The following FZD3 variants were observed in gnomAD, a reference collection of about 807,000 sequenced individuals.
FZD3 encodes the protein frizzled-3.
FZD3 carries 30 observed loss-of-function variants against 60.7 expected under a neutral mutation model. The ratio of observed to expected loss-of-function variants is 0.49; its 90% CI spans 0.37 to 0.67. FZD3 has a LOEUF of 0.67. Among genes scored for constraint, FZD3 ranks in the 30% least tolerant of loss-of-function variants. The pLI is 0.00. For missense variants in FZD3, 605 were observed against 838.7 expected (o/e 0.72, Z 3.44); for synonymous variants, 246 against 275.2 (o/e 0.89, Z 1.05).
intron 5 of FZD3, among the ~76,000 whole-genome samples, chr8:28,549,617 AG>A (rs969402628): frequency 6.6e-6 from 1 of 152,144 alleles, no homozygotes; most frequent in Non-Finnish European, 1.5e-5. Flanking sequence ...GAGTGGTGGC[AG>A]TAGATACTTT....
chr8:28,531,624 A>G (rs949279514), intron 5 of FZD3, among the ~76,000 whole-genome samples: 26 of 152,298 alleles, frequency 1.7e-4, no homozygotes, highest in African/African-American at 6.3e-4. Context: ...TCAGGCTTCT[A>G]AATTTTTGCC....
At chr8:28,522,767 C>CTTTT (rs35662589) in intron 4 of FZD3, among the ~76,000 whole-genome samples, 202 of 96,790 alleles carry the variant, frequency 2.1e-3, no homozygotes, top group Middle Eastern at 7.6e-3. Context: ...AGGGAACTTT[C>CTTTT]TTTTTTTTTT....
chr8:28,570,548 C>A lies in FZD3; in HGVS notation c.*7537C>A, dbSNP rs1382609306. ...GCTGAGGCAGGAGAATGGCGTGAAC[C>A]CGGGAGGCGGAGCTTGCAGTGAGCT... On this transcript the variant is annotated 3_prime_UTR_variant, in exon 8 of 8. Transcript: ENST00000240093. 1 of 151,754 alleles carries A rather than the reference C, an allele frequency of 6.6e-6. No homozygotes were observed. Among genetic ancestry groups the A allele is most frequent in the Non-Finnish European group, 1.5e-5 (1 of 68,024 alleles). 9.4% of individuals were successfully genotyped at this position (151,754 alleles called of 1,614,324 possible). A position where few individuals can be genotyped will look rare whatever the true frequency, so the allele number is the denominator to read the frequency against.
chr8:28,537,122 G>C lies in FZD3; in HGVS notation c.1404+8958G>C, dbSNP rs562919853. Reference sequence around the variant, plus strand: ...AGTTTCTGTAATAGAGGAAAAGAATGAGAATTCCCTGAAAAAATATTCTAT... The same window carrying C: ...AGTTTCTGTAATAGAGGAAAAGAATCAGAATTCCCTGAAAAAATATTCTAT... On this transcript the variant is annotated intron_variant, in intron 5 of 7. Coordinates refer to ENST00000240093, the MANE Select transcript of FZD3 (RefSeq NM_017412.4). 1.5e-4 allele frequency among the ~76,000 whole-genome samples: 23 copies of C among 152,238 alleles called. No homozygotes were observed. The East Asian group carries it at 4.4e-3, about 29-fold the overall frequency.
chr8:28,521,987 A>G lies in FZD3; in HGVS notation c.386+1153A>G, dbSNP rs28491847. Among the ~76,000 whole-genome samples, 795 of 152,350 alleles carry G rather than the reference A, an allele frequency of 5.2e-3. 5 individuals are homozygous for G. Among genetic ancestry groups the G allele is most frequent in the African/African-American group, 0.016 (668 of 41,576 alleles). ...CTTACTTGACAGATGGAGAAACTTA[A>G]GAAATAATAAATCCTGTACAGTAAG... On this transcript the variant is annotated intron_variant, in intron 4 of 7. Transcript: ENST00000240093.
chr8:28,503,164 A>C lies in FZD3; in HGVS notation c.151A>C (p.Asn51His), dbSNP rs1478213120. The C allele has an allele frequency of 6.2e-7, 1 of 1,613,304 alleles. No homozygotes were observed. Among genetic ancestry groups the C allele is most frequent in the African/African-American group, 1.3e-5 (1 of 74,882 alleles). The part of the protein sequence containing the change: ...YNTTFMPNLL[N>H]HYDQQTAALA... The stretch of plus-strand genomic sequence containing the variant: ...TACTACCTTCATGCCTAATCTTCTG[A>C]ATCATTATGACCAACAGACAGCAGC... Residue 51 changes from asparagine (N) to histidine (H), a missense_variant, in exon 3 of 8, where the codon AAT becomes CAT. By Grantham distance (68) the Asn-to-His change is moderately conservative. Coordinates refer to ENST00000240093, the MANE Select transcript of FZD3 (RefSeq NM_017412.4).
At chr8:28,509,800 A>G (rs1054431647) in intron 3 of FZD3, among the ~76,000 whole-genome samples, 3 of 152,332 alleles carry the variant, frequency 2.0e-5, no homozygotes, top group Admixed American at 6.5e-5. Context: ...ATAGTATTCC[A>G]TTGTAGGTAT....
intron 3 of FZD3, among the ~76,000 whole-genome samples, chr8:28,503,729 A>G (rs956303435): frequency 1.3e-5 from 2 of 152,222 alleles, no homozygotes; most frequent in African/African-American, 4.8e-5. Flanking sequence ...AATTGAGGAC[A>G]GGGATATATA....
At chr8:28,548,507 C>T (rs903959045) in intron 5 of FZD3, among the ~76,000 whole-genome samples, 4 of 152,202 alleles carry the variant, frequency 2.6e-5, no homozygotes, top group East Asian at 1.9e-4. Flanking sequence ...GTATGAAATA[C>T]GGTATGGCTT....
rs181087200 is a variant in FZD3 at position 28,527,265 on chromosome 8, T to C, written c.505T>C (p.Leu169=). ...CTATGGTTTTTGGTGTCCCCGAGAGTTAAAAATTGATCCTGATCTGGGTTA... is the reference window on the plus strand; with the variant it reads ...CTATGGTTTTTGGTGTCCCCGAGAGCTAAAAATTGATCCTGATCTGGGTTA... The part of the protein sequence containing the change: ...RDYGFWCPRE[L]KIDPDLGYSF... Residue 169 remains leucine (L), a synonymous_variant, in exon 5 of 8, where the codon TTA becomes CTA. Transcript: ENST00000240093. The surrounding 1 kb of genome is among the most constrained non-coding windows in gnomAD (Gnocchi z 5.0). 22 of 1,613,926 alleles carry C rather than the reference T, an allele frequency of 1.4e-5. No individual in the cohort carries two copies. The East Asian group carries it at 4.9e-4, about 36-fold the overall frequency.
At chr8:28,496,726 A>G (rs571543143) in intron 1 of FZD3, among the ~76,000 whole-genome samples, 5 of 152,352 alleles carry the variant, frequency 3.3e-5, no homozygotes, top group South Asian at 4.1e-4. Context: ...TTGCTTTCCA[A>G]TTCGTCATGT....
In FZD3 at chr8:28,567,834, A is replaced by T. The variant is rs1432883232; in HGVS notation, c.*4823A>T. On this transcript the variant is annotated 3_prime_UTR_variant, in exon 8 of 8. Transcript: ENST00000240093. ...TTGAATTTGTAGAACAAATTTGGGG[A>T]TATTCATTTTATTTTTCCTTTTATA... The T allele has an allele frequency of 1.3e-5, 2 of 152,126 alleles. No individual in the cohort carries two copies. The highest frequency in any genetic ancestry group is 4.8e-5 in the African/African-American group (2 of 41,444). The allele number at this position is 152,126 out of a possible 1,614,324, so 9.4% of individuals were successfully genotyped here. A position where few individuals can be genotyped will look rare whatever the true frequency, so the allele number is the denominator to read the frequency against.
intron 5 of FZD3, among the ~76,000 whole-genome samples, chr8:28,535,526 A>G (rs542456934): frequency 4.6e-5 from 7 of 152,314 alleles, no homozygotes; most frequent in East Asian, 1.9e-4. Flanking sequence ...CCTCTTGGCT[A>G]TGACAGTCTT....
rs1370924725 is a variant in FZD3, at chr8:28,538,733, G to GT, written c.1404+10575dup. Among the ~76,000 whole-genome samples, 4 of 151,966 alleles carry GT rather than the reference G, an allele frequency of 2.6e-5. No homozygotes were observed. The East Asian group carries it at 7.7e-4, about 29-fold the overall frequency. On this transcript the variant is annotated intron_variant, in intron 5 of 7. Transcript: ENST00000240093. ...GGATTGGATTGAATAATCTGTAGGGGTTTTTTCTCAGGTCTAATATTAAAT... is the reference window on the plus strand; with the variant it reads ...GGATTGGATTGAATAATCTGTAGGGGTTTTTTTCTCAGGTCTAATATTAAAT...
At chr8:28,513,382 A>C (rs988910653) in intron 3 of FZD3, among the ~76,000 whole-genome samples, 2 of 152,194 alleles carry the variant, frequency 1.3e-5, no homozygotes. Flanking sequence ...ACTTGTGAAA[A>C]CACATATTCT....
At chr8:28,558,613 T>C (rs1585194813) in intron 7 of FZD3, among the ~76,000 whole-genome samples, 1 of 151,862 alleles carries the variant, frequency 6.6e-6, no homozygotes, top group South Asian at 2.1e-4. Flanking sequence ...TGTATTTTTA[T>C]TAGAGACAGG....
intron 3 of FZD3, among the ~76,000 whole-genome samples, chr8:28,510,634 A>G (rs1804260407): frequency 6.6e-6 from 1 of 152,248 alleles, no homozygotes. Flanking sequence ...GTTCAAGCCC[A>G]AGTTTTGCTA....
At chr8:28,550,837 T>C (rs1369777520) in intron 5 of FZD3, among the ~76,000 whole-genome samples, 1 of 152,188 alleles carries the variant, frequency 6.6e-6, no homozygotes, top group African/African-American at 2.4e-5. Context: ...TGATTGATAA[T>C]ACAGTTGATA....
chr8:28,507,814 A>C (rs1438286823), intron 3 of FZD3, among the ~76,000 whole-genome samples: 1 of 144,198 alleles, frequency 6.9e-6, no homozygotes, highest in Non-Finnish European at 1.5e-5. Context: ...AACATATTTG[A>C]TGTTTTAAAT....
Sources: allele counts gnomAD v4.1 joint callset (sites outside exome capture counted in the v4.1 genomes callset), GRCh38; gene constraint gnomAD v4.1.1; non-coding constraint Gnocchi (gnomAD v3.1); transcripts MANE v1.5; gene names NCBI Gene and HGNC (gene_info 2026-07-23, HGNC 2026-07-21).